UTP4: variants seen among roughly 807,000 people sequenced by gnomAD.
The protein encoded by UTP4 is UTP4 small subunit processome component, also known as U3 small nucleolar RNA-associated protein 4 homolog.
A neutral mutation model predicts 82.4 loss-of-function variants in UTP4; 45 were observed. The observed-to-expected ratio is 0.55, with a 90% CI of 0.43 to 0.70. The LOEUF is 0.70. Ranked by LOEUF, UTP4 falls within the 30% of genes least tolerant of loss-of-function variation. UTP4 has a pLI of 0.00. For missense variants in UTP4, 819 were observed against 858.3 expected, an observed-to-expected ratio of 0.95 and a Z score of 0.57; for synonymous variants, 348 against 300.3, an observed-to-expected ratio of 1.16 and a Z score of -1.64.
chr16:69,157,057 T>C lies in UTP4; in HGVS notation c.1288-27T>C, dbSNP rs772638287. 1.2e-5 allele frequency: 19 copies of C among 1,613,756 alleles called. No homozygotes were observed. In the Admixed American group the frequency reaches 1.8e-4, roughly 16 times the overall value. Reference sequence around the variant, plus strand: ...GGGCTGTAGGTCTCCCTTCTCTCACTGGCTTTTATTATTGGTTCACCCAAA... The same window carrying C: ...GGGCTGTAGGTCTCCCTTCTCTCACCGGCTTTTATTATTGGTTCACCCAAA... On this transcript the variant is annotated intron_variant, in intron 11 of 16. Transcript: ENST00000314423.
chr16:69,160,705 T>C (rs1963543378), intron 13 of UTP4, among the ~76,000 whole-genome samples: 1 of 151,272 alleles, frequency 6.6e-6, no homozygotes, highest in South Asian at 2.1e-4. Flanking sequence ...CAAATGATTC[T>C]CCTGTCTCAG....
intron 5 of UTP4, among the ~76,000 whole-genome samples, chr16:69,140,750 C>G (rs1412230912): frequency 6.6e-6 from 1 of 152,034 alleles, no homozygotes; most frequent in African/African-American, 2.4e-5. Flanking sequence ...CTCGAGGCAA[C>G]CACTTGTGAC....
At chr16:69,153,164 C>T (rs1376391152) in intron 8 of UTP4, among the ~76,000 whole-genome samples, 1 of 152,178 alleles carries the variant, frequency 6.6e-6, no homozygotes, top group African/African-American at 2.4e-5. Context: ...ATGTCACATG[C>T]CATCACCCTC....
intron 14 of UTP4, among the ~76,000 whole-genome samples, chr16:69,164,714 A>T (rs1963657554): frequency 1.3e-5 from 2 of 151,442 alleles, no homozygotes; most frequent in South Asian, 4.2e-4. Flanking sequence ...GATATGAAAC[A>T]AGCTAATGTC....
intron 12 of UTP4, among the ~76,000 whole-genome samples, chr16:69,159,339 C>T (rs1963504970): frequency 6.6e-6 from 1 of 152,062 alleles, no homozygotes; most frequent in South Asian, 2.1e-4. Context: ...CCTCTGCCTC[C>T]CAAAGTGCTG....
chr16:69,137,580 C>T (rs1358185384), intron 3 of UTP4, among the ~76,000 whole-genome samples: 1 of 152,162 alleles, frequency 6.6e-6, no homozygotes, highest in African/African-American at 2.4e-5. Flanking sequence ...TAATATCAGT[C>T]TGTTTTCTGT....
chr16:69,144,102 A>G (rs913572951), intron 6 of UTP4, among the ~76,000 whole-genome samples: 31 of 148,704 alleles, frequency 2.1e-4, no homozygotes, highest in African/African-American at 6.5e-4. Context: ...TGGGCAGGCT[A>G]GTCTCGAACT....
intron 14 of UTP4, among the ~76,000 whole-genome samples, chr16:69,163,937 G>C (rs1222652024): frequency 6.7e-6 from 1 of 148,632 alleles, no homozygotes; most frequent in Non-Finnish European, 1.5e-5. Flanking sequence ...CCAGGCTGGA[G>C]TGCAGTGGTG....
chr16:69,160,583 A>ATTTTC, intron 13 of UTP4, 121 bp downstream of exon 13: 1 of 687,356 alleles, frequency 1.5e-6, no homozygotes, highest in East Asian at 2.8e-5. Context: ...TTTTCTTTTT[A>ATTTTC]TTTTCTTTTC....
At chr16:69,160,216 A>T in intron 12 of UTP4, 140 bp from the exon 13 acceptor site, 1 of 768,580 alleles carries the variant, frequency 1.3e-6, no homozygotes, top group Middle Eastern at 3.3e-4. Context: ...ATCTAGAAGT[A>T]ATTTGCACAG....
chr16:69,136,134 C>A (rs1445576259), intron 2 of UTP4, among the ~76,000 whole-genome samples: 1 of 152,248 alleles, frequency 6.6e-6, no homozygotes, highest in Non-Finnish European at 1.5e-5. Context: ...CCTACTTAAC[C>A]CATGTATATC....
At chr16:69,154,120 A>G (rs1156810694) in intron 9 of UTP4, among the ~76,000 whole-genome samples, 1 of 152,170 alleles carries the variant, frequency 6.6e-6, no homozygotes, top group East Asian at 1.9e-4. Flanking sequence ...GCAGTGGATT[A>G]AAATCGAGGC....
intron 14 of UTP4, 84 bp from the exon 15 acceptor site, chr16:69,165,257 G>T: frequency 5.2e-6 from 6 of 1,151,068 alleles, no homozygotes; most frequent in Admixed American, 1.7e-5. Flanking sequence ...GCTTTGTATA[G>T]ATACTTTCTG....
chr16:69,154,785 A>G (rs746286853), intron 10 of UTP4, among the ~76,000 whole-genome samples: 9 of 151,434 alleles, frequency 5.9e-5, no homozygotes, highest in Non-Finnish European at 1.0e-4. Flanking sequence ...CTGGAGTGCA[A>G]TGGCACCACC....
rs76448225 is a variant in UTP4, at chr16:69,157,397, G to A, written c.1444+157G>A. Reference sequence around the variant, plus strand: ...TGTTTCAAGTAGGAGGAGATAGCTGGCAGATGAAGACTCTCGATGAGATCT... The same window carrying A: ...TGTTTCAAGTAGGAGGAGATAGCTGACAGATGAAGACTCTCGATGAGATCT... On this transcript the variant is annotated intron_variant, in intron 12 of 16. Coordinates refer to ENST00000314423, the MANE Select transcript of UTP4 (RefSeq NM_032830.3). Among the ~76,000 whole-genome samples, 665 of 152,244 alleles carry A rather than the reference G, an allele frequency of 4.4e-3. 24 individuals carry two copies. In the South Asian group the frequency reaches 0.083, roughly 19 times the overall value.
chr16:69,147,690 C>T (rs578200058), intron 6 of UTP4, among the ~76,000 whole-genome samples: 6 of 152,010 alleles, frequency 3.9e-5, no homozygotes, highest in Admixed American at 1.3e-4. Flanking sequence ...CCAGCCTATA[C>T]AAGAAATGCA....
At chr16:69,149,753 G>A (rs1963210580) in intron 6 of UTP4, among the ~76,000 whole-genome samples, 1 of 151,768 alleles carries the variant, frequency 6.6e-6, no homozygotes. Context: ...TTTTAAGCCA[G>A]AGTCTCGCCC....
intron 8 of UTP4, 146 bp downstream of exon 8, chr16:69,151,050 A>G (rs1365578346): frequency 1.7e-5 from 12 of 695,802 alleles, no homozygotes; most frequent in Non-Finnish European, 2.8e-5. Flanking sequence ...CTTGTTGCCC[A>G]GGCTGGAGTG....
chr16:69,143,108 T>C, intron 5 of UTP4, 70 bp from the exon 6 acceptor site: 1 of 1,527,962 alleles, frequency 6.5e-7, no homozygotes, highest in Non-Finnish European at 9.1e-7. Context: ...TCCTTCCACT[T>C]TGGCCGCAGG....
Sources: allele counts gnomAD v4.1 joint callset (sites outside exome capture counted in the v4.1 genomes callset), GRCh38; gene constraint gnomAD v4.1.1; transcripts MANE v1.5; gene names NCBI Gene and HGNC (gene_info 2026-07-23, HGNC 2026-07-21).